Variants in ERC2 observed in about 807,000 individuals in gnomAD.
The protein encoded by ERC2 is ELKS/RAB6-interacting/CAST family member 2.
Under a neutral mutation model 114.8 loss-of-function variants are expected in ERC2, and 42 were observed. The observed-to-expected ratio is 0.37, with a 90% CI of 0.29 to 0.47. ERC2 has a LOEUF of 0.47. Among genes scored for constraint, ERC2 ranks in the 20% least tolerant of loss-of-function variants. The pLI, the probability that ERC2 is intolerant of heterozygous loss-of-function variation, is 0.99. For synonymous variants in ERC2, 454 were observed against 425.5 expected (o/e 1.07, Z -0.82); for missense variants, 939 against 1,150.7 (o/e 0.82, Z 2.66).
intron 6 of ERC2, among the ~76,000 whole-genome samples, chr3:56,132,256 G>A (rs1016061088): frequency 6.6e-6 from 1 of 152,132 alleles, no homozygotes; most frequent in African/African-American, 2.4e-5. Flanking sequence ...CCCATCTCAA[G>A]GCAAATAAAC....
At chr3:55,618,359 T>A (rs1184076033) in intron 17 of ERC2, among the ~76,000 whole-genome samples, 1 of 152,198 alleles carries the variant, frequency 6.6e-6, no homozygotes, top group East Asian at 1.9e-4. Flanking sequence ...AATGTGCAAC[T>A]TCCCTTTTAG....
chr3:56,075,379 T>C (rs1291103283), intron 7 of ERC2, among the ~76,000 whole-genome samples: 1 of 152,182 alleles, frequency 6.6e-6, no homozygotes, highest in African/African-American at 2.4e-5. Flanking sequence ...CTCCTGGTTA[T>C]GAAATCAAAG....
chr3:56,271,930 CT>C (rs1274598051), intron 3 of ERC2, among the ~76,000 whole-genome samples: 18 of 152,094 alleles, frequency 1.2e-4, no homozygotes, highest in Admixed American at 2.6e-4. Context: ...ACACAATGTT[CT>C]TTTTTATGGC....
At chr3:56,039,820 GA>G (rs1210956507) in intron 7 of ERC2, among the ~76,000 whole-genome samples, 1 of 152,242 alleles carries the variant, frequency 6.6e-6, no homozygotes, top group East Asian at 1.9e-4. Flanking sequence ...GAACTGAATA[GA>G]AATTCCAAAT....
chr3:56,318,783 T>TAA (rs59210019), intron 2 of ERC2, among the ~76,000 whole-genome samples: 6 of 143,010 alleles, frequency 4.2e-5, no homozygotes, highest in Admixed American at 7.0e-5. Context: ...ATGGCTGTTA[T>TAA]AAAAAAAAAA....
At chr3:55,588,546 G>T (rs919903398) in intron 17 of ERC2, among the ~76,000 whole-genome samples, 4 of 152,134 alleles carry the variant, frequency 2.6e-5, no homozygotes, top group Non-Finnish European at 4.4e-5. Flanking sequence ...ATCAATTCCA[G>T]AAAAACCCTC....
chr3:55,610,420 A>G (rs1365996996), intron 17 of ERC2, among the ~76,000 whole-genome samples: 1 of 152,094 alleles, frequency 6.6e-6, no homozygotes, highest in Non-Finnish European at 1.5e-5. Flanking sequence ...CAAAAGCCAT[A>G]TAAAATATCC....
At chr3:56,037,419 T>C (rs1463773418) in intron 7 of ERC2, among the ~76,000 whole-genome samples, 1 of 152,066 alleles carries the variant, frequency 6.6e-6, no homozygotes, top group African/African-American at 2.4e-5. Context: ...CAAGTATCAA[T>C]AGCTGAAGAG....
chr3:56,451,668 G>T (rs922489103), intron 1 of ERC2, among the ~76,000 whole-genome samples: 4 of 152,176 alleles, frequency 2.6e-5, no homozygotes, highest in Non-Finnish European at 5.9e-5. Context: ...CAAATCTCTT[G>T]TCTATGAATG....
At chr3:56,408,074 T>G (rs138010980) in intron 2 of ERC2, among the ~76,000 whole-genome samples, 242 of 152,312 alleles carry the variant, frequency 1.6e-3, no homozygotes, top group African/African-American at 5.4e-3. Context: ...GATGTATTTT[T>G]GTGTCAGTGA....
chr3:55,560,566 A>C (rs1267432579), intron 17 of ERC2, among the ~76,000 whole-genome samples: 1 of 152,210 alleles, frequency 6.6e-6, no homozygotes, highest in African/African-American at 2.4e-5. Flanking sequence ...TTGGCATGTG[A>C]CTACAGCCAT....
At chr3:56,396,717 C>T (rs1244709478) in intron 2 of ERC2, among the ~76,000 whole-genome samples, 1 of 151,928 alleles carries the variant, frequency 6.6e-6, no homozygotes, top group Non-Finnish European at 1.5e-5. Context: ...TTTTTACAAA[C>T]AATATGCATT....
At chr3:55,525,070 G>A (rs912939347) in intron 17 of ERC2, among the ~76,000 whole-genome samples, 3 of 152,166 alleles carry the variant, frequency 2.0e-5, no homozygotes, top group Non-Finnish European at 4.4e-5. Flanking sequence ...CCTCAGTCCT[G>A]ACCAAACCCT....
chr3:56,368,160 A>G (rs982007848), intron 2 of ERC2, among the ~76,000 whole-genome samples: 1 of 150,334 alleles, frequency 6.7e-6, no homozygotes, highest in Non-Finnish European at 1.5e-5. Context: ...ATCTACAATA[A>G]AAGTTGAAAT....
chr3:55,542,707 T>C (rs555190915), intron 17 of ERC2, among the ~76,000 whole-genome samples: 5 of 152,322 alleles, frequency 3.3e-5, no homozygotes, highest in African/African-American at 4.8e-5. Flanking sequence ...CCCCTTCTCA[T>C]TGACAGCAGC....
At position 56,435,133 on chromosome 3, in the gene ERC2, A is replaced by C; in HGVS notation, c.-126T>G. On this transcript the variant is annotated 5_prime_UTR_variant, in exon 2 of 18. Transcript: ENST00000288221. ...TTTTCACAGTCCGTACCAGAAAATA[A>C]CTCCACTCAGAGATCTACAAAGTGA... is the stretch of plus-strand genomic sequence containing the variant. 2 of 666,718 alleles carry C rather than the reference A, an allele frequency of 3.0e-6. No individual in the cohort carries two copies. Among genetic ancestry groups the C allele is most frequent in the South Asian group, 2.2e-5 (1 of 46,390 alleles). The allele number at this position is 666,718 out of a possible 1,614,324, so 41.3% of individuals were successfully genotyped here. A position where few individuals can be genotyped will look rare whatever the true frequency, so the allele number is the denominator to read the frequency against.
intron 17 of ERC2, among the ~76,000 whole-genome samples, chr3:55,676,332 C>A (rs146225332): frequency 2.0e-5 from 3 of 152,130 alleles, no homozygotes; most frequent in Admixed American, 6.5e-5. Flanking sequence ...GCATGTCTCT[C>A]TGGCACCTGC....
At chr3:55,658,569 C>A (rs1225351223) in intron 17 of ERC2, 1 of 152,726 alleles carries the variant, frequency 6.5e-6, no homozygotes, top group Non-Finnish European at 1.5e-5. Flanking sequence ...AGAAACTTGG[C>A]CCCTGGTATC....
Position 55,994,957 on chromosome 3 carries a change from G to A in ERC2, c.2062-2707C>T, listed in dbSNP as rs145092703. Among the ~76,000 whole-genome samples, 218 of 152,326 alleles carry A rather than the reference G, an allele frequency of 1.4e-3. 1 individual carries two copies. The highest frequency in any genetic ancestry group is 5.0e-3 in the African/African-American group (208 of 41,574). On this transcript the variant is annotated intron_variant, in intron 10 of 17. Transcript: ENST00000288221. Reference sequence around the variant, plus strand: ...TGAAGTTAGGTCATGTCATTAGAATGAAGACCAGAGCCAAGTTTACGACTG... The same window carrying A: ...TGAAGTTAGGTCATGTCATTAGAATAAAGACCAGAGCCAAGTTTACGACTG...
Sources: allele counts gnomAD v4.1 joint callset (sites outside exome capture counted in the v4.1 genomes callset), GRCh38; gene constraint gnomAD v4.1.1; transcripts MANE v1.5; gene names NCBI Gene and HGNC (gene_info 2026-07-23, HGNC 2026-07-21).